Variants in JAZF1 observed in about 807,000 individuals in gnomAD.
JAZF1 encodes the protein JAZF zinc finger 1.
A neutral mutation model predicts 26.4 loss-of-function variants in JAZF1; 8 were observed. The observed-to-expected ratio is 0.30, with a 90% CI of 0.18 to 0.55. The LOEUF (loss-of-function observed/expected upper bound fraction) is 0.55. Ranked by LOEUF, JAZF1 falls within the 20% of genes least tolerant of loss-of-function variation. JAZF1 has a pLI of 0.94. For synonymous variants in JAZF1, 126 were observed against 122.3 expected, an observed-to-expected ratio of 1.03 and a Z score of -0.20; for missense variants, 199 against 322.0, an observed-to-expected ratio of 0.62 and a Z score of 2.92.
chr7:27,885,427 C>T (rs1783842525), intron 3 of JAZF1, among the ~76,000 whole-genome samples: 1 of 152,192 alleles, frequency 6.6e-6, no homozygotes, highest in Admixed American at 6.5e-5. Flanking sequence ...TCACTTCTGC[C>T]ACCCCTGGCT....
chr7:27,979,366 A>ATTTTTT lies in JAZF1; in HGVS notation c.188+12537_188+12542dup, dbSNP rs55737757. Among the ~76,000 whole-genome samples the ATTTTTT allele has an allele frequency of 1.0e-4, 6 of 58,434 alleles. 1 individual carries two copies. The highest frequency in any genetic ancestry group is 1.3e-4 in the African/African-American group (2 of 15,062). 38.3% of individuals were successfully genotyped at this position (58,434 alleles called of 152,430 possible). The stretch of plus-strand genomic sequence containing the variant: ...TAACAGGCGTGGCCAGGTACACTAC[A>ATTTTTT]TTTTTTTTTTTTTTTTTTTTTTTTT... On this transcript the variant is annotated intron_variant, in intron 2 of 4. Transcript: ENST00000283928.
chr7:28,172,641 A>C (rs529695811), intron 1 of JAZF1, among the ~76,000 whole-genome samples: 1 of 152,330 alleles, frequency 6.6e-6, no homozygotes, highest in South Asian at 2.1e-4. Flanking sequence ...CACATCTAAC[A>C]AGTGAAAGAA....
At chr7:28,086,891 TAAC>T (rs1373174331) in intron 1 of JAZF1, among the ~76,000 whole-genome samples, 1 of 152,158 alleles carries the variant, frequency 6.6e-6, no homozygotes, top group Admixed American at 6.5e-5. Context: ...TAAAAAGAGT[TAAC>T]AACTTCCCCA....
At chr7:28,080,772 A>G (rs563147833) in intron 1 of JAZF1, among the ~76,000 whole-genome samples, 1 of 152,334 alleles carries the variant, frequency 6.6e-6, no homozygotes, top group East Asian at 1.9e-4. Context: ...TCATGGCACC[A>G]CCAATTACAA....
chr7:27,867,771 G>T (rs1783501825), intron 3 of JAZF1, among the ~76,000 whole-genome samples: 1 of 152,212 alleles, frequency 6.6e-6, no homozygotes, highest in South Asian at 2.1e-4. Flanking sequence ...AAAGACCGAG[G>T]GAGAGGTAGA....
intron 2 of JAZF1, among the ~76,000 whole-genome samples, chr7:27,941,782 C>T (rs918829338): frequency 1.3e-5 from 2 of 152,166 alleles, no homozygotes; most frequent in African/African-American, 4.8e-5. Flanking sequence ...TCAGACACAG[C>T]TAATTATGAT....
intron 1 of JAZF1, among the ~76,000 whole-genome samples, chr7:28,126,865 C>A (rs571596089): frequency 1.4e-4 from 21 of 152,328 alleles, no homozygotes; most frequent in African/African-American, 5.0e-4. Context: ...TAAAGGTCAT[C>A]TCCTTTCCAG....
intron 3 of JAZF1, among the ~76,000 whole-genome samples, chr7:27,889,725 A>G (rs1221272523): frequency 6.6e-6 from 1 of 152,210 alleles, no homozygotes; most frequent in Non-Finnish European, 1.5e-5. Flanking sequence ...AGAGGTCAGG[A>G]GTTCAAGACC....
rs574854176 is a variant in JAZF1, at chr7:27,909,423, C to A, written c.189-14007G>T. Among the ~76,000 whole-genome samples, 391 of 151,314 alleles carry A rather than the reference C, an allele frequency of 2.6e-3. 2 individuals carry two copies. Among genetic ancestry groups the A allele is most frequent in the Admixed American group, 4.3e-3 (65 of 15,208 alleles). ...AATTTCAAAAAAAAAAAACCCACCA[C>A]TGGCCGGGCGCGGTGGCTCATGCCT... On this transcript the variant is annotated intron_variant, in intron 2 of 4. Coordinates refer to ENST00000283928, the MANE Select transcript of JAZF1 (RefSeq NM_175061.4).
intron 1 of JAZF1, among the ~76,000 whole-genome samples, chr7:28,052,062 A>G (rs999959021): frequency 6.6e-6 from 1 of 152,202 alleles, no homozygotes; most frequent in African/African-American, 2.4e-5. Flanking sequence ...CACACCTCCT[A>G]TACTCAAGAT....
intron 1 of JAZF1, among the ~76,000 whole-genome samples, chr7:28,041,294 T>C (rs1394389621): frequency 6.6e-6 from 1 of 152,114 alleles, no homozygotes; most frequent in African/African-American, 2.4e-5. Context: ...GGGAGGGAAG[T>C]TCACCCTCTT....
chr7:27,952,679 A>C (rs547750079), intron 2 of JAZF1, among the ~76,000 whole-genome samples: 1 of 152,352 alleles, frequency 6.6e-6, no homozygotes, highest in African/African-American at 2.4e-5. Context: ...GCAACCAGCT[A>C]TAGGGCTGGG....
At chr7:27,940,419 C>G (rs1784828897) in intron 2 of JAZF1, among the ~76,000 whole-genome samples, 1 of 152,160 alleles carries the variant, frequency 6.6e-6, no homozygotes, top group Admixed American at 6.5e-5. Context: ...CAGTGTAATG[C>G]ATCTTATTCT....
At position 27,883,752 on chromosome 7, in the gene JAZF1, G is replaced by A. The variant is rs114752812; in HGVS notation, c.385+11468C>T. On this transcript the variant is annotated intron_variant, in intron 3 of 4. Coordinates refer to ENST00000283928, the MANE Select transcript of JAZF1 (RefSeq NM_175061.4). ...GTAAGTTCTATCAGAAACACTTTCA[G>A]TCATTAACCAATTCTCAACTGTGTC... Among the ~76,000 whole-genome samples the A allele has an allele frequency of 7.9e-3, 1,200 of 152,326 alleles. 19 individuals are homozygous for A. Among genetic ancestry groups the A allele is most frequent in the African/African-American group, 0.027 (1,136 of 41,576 alleles).
chr7:27,846,435 T>A, intron 3 of JAZF1: 1 of 436,092 alleles, frequency 2.3e-6, no homozygotes, highest in Middle Eastern at 3.4e-4. Context: ...ACACACAGAT[T>A]CTTGGTGCAT....
At chr7:27,992,953 A>C (rs572319583) in intron 1 of JAZF1, among the ~76,000 whole-genome samples, 4 of 152,318 alleles carry the variant, frequency 2.6e-5, no homozygotes, top group African/African-American at 9.6e-5. Context: ...TGGTAGATGT[A>C]AGCTATGTCC....
intron 3 of JAZF1, among the ~76,000 whole-genome samples, chr7:27,857,543 C>T (rs555853918): frequency 2.0e-5 from 3 of 152,208 alleles, no homozygotes; most frequent in African/African-American, 4.8e-5. Flanking sequence ...GCTAGGGCTG[C>T]GAGGGCTGCC....
rs1055608275 is a variant in JAZF1 at position 27,975,079 on chromosome 7, G to T, written c.188+16830C>A. Among the ~76,000 whole-genome samples, 60 of 151,988 alleles carry T rather than the reference G, an allele frequency of 3.9e-4. 1 individual carries two copies. The highest frequency in any genetic ancestry group is 1.4e-3 in the African/African-American group (57 of 41,368). Reference sequence around the variant, plus strand: ...TTATGGTATTTTTAGTAGAGATGGGGTTTCACCATGTTAGCCAGGATGGTT... The same window carrying T: ...TTATGGTATTTTTAGTAGAGATGGGTTTTCACCATGTTAGCCAGGATGGTT... On this transcript the variant is annotated intron_variant, in intron 2 of 4. Transcript: ENST00000283928.
intron 3 of JAZF1, among the ~76,000 whole-genome samples, chr7:27,845,164 G>A (rs1022047255): frequency 2.0e-5 from 3 of 152,246 alleles, no homozygotes; most frequent in Admixed American, 2.0e-4. Context: ...ACAACTATGT[G>A]TATATATAGT....
Sources: allele counts gnomAD v4.1 joint callset (sites outside exome capture counted in the v4.1 genomes callset), GRCh38; gene constraint gnomAD v4.1.1; transcripts MANE v1.5; gene names NCBI Gene and HGNC (gene_info 2026-07-23, HGNC 2026-07-21).